RAET1G: variants seen among roughly 807,000 people sequenced by gnomAD.
The protein encoded by RAET1G is retinoic acid early transcript 1G.
In RAET1G, 25 loss-of-function variants were observed where a neutral mutation model predicts 29.5. The ratio of observed to expected loss-of-function variants is 0.85; its 90% confidence interval spans 0.62 to 1.18. The LOEUF is 1.18. RAET1G is among the 50% of genes most tolerant of loss of function. The probability of loss-of-function intolerance (pLI) is 0.00; values close to 1 mark genes in which losing one functional copy is unlikely to be tolerated. For synonymous variants in RAET1G, 167 were observed against 159.5 expected (o/e 1.05, Z -0.36); for missense variants, 434 against 423.6 (o/e 1.02, Z -0.22).
intron 1 of RAET1G, among the ~76,000 whole-genome samples, chr6:149,921,977 G>A (rs9371228): frequency 0.74 from 111,677 of 150,816 alleles, 41,414 homozygotes; most frequent in African/African-American, 0.78. Flanking sequence ...ACACTGAGAC[G>A]GAGAACCCAA....
chr6:149,918,861 G>T (rs1582798719), intron 3 of RAET1G, 182 bp downstream of exon 3: 7 of 884,366 alleles, frequency 7.9e-6, no homozygotes. Flanking sequence ...TCAGGAGGGA[G>T]AAGGAAGAGG....
At chr6:149,918,125 C>T (rs747061642) in intron 4 of RAET1G, 49 bp downstream of exon 4, 1 of 1,537,318 alleles carries the variant, frequency 6.5e-7, no homozygotes, top group South Asian at 1.1e-5. Flanking sequence ...CCCTGTCCTC[C>T]CTCCTCACCC....
chr6:149,918,951 C>A, intron 3 of RAET1G, 92 bp downstream of exon 3: 1 of 1,577,994 alleles, frequency 6.3e-7, no homozygotes, highest in South Asian at 1.2e-5. Flanking sequence ...AACGTGTACA[C>A]TGGGATGATT....
chr6:149,920,016 T>C, intron 1 of RAET1G, among the ~76,000 whole-genome samples, 200 bp from the exon 2 acceptor site: 1 of 152,186 alleles, frequency 6.6e-6, no homozygotes, highest in East Asian at 1.9e-4. Flanking sequence ...AGGAGGTCCC[T>C]GCCTGCTGAG....
At chr6:149,922,073 T>C (rs9397070) in intron 1 of RAET1G, among the ~76,000 whole-genome samples, 109,854 of 151,834 alleles carry the variant, frequency 0.72, 39,123 homozygotes, top group South Asian at 0.77. Context: ...TTCTCTATGA[T>C]GCTGGCGCCC....
intron 4 of RAET1G, among the ~76,000 whole-genome samples, chr6:149,917,640 A>G (rs1464950581): frequency 3.3e-5 from 5 of 152,200 alleles, no homozygotes; most frequent in Admixed American, 6.5e-5. Flanking sequence ...GTCTAATACA[A>G]CTATTCTTAT....
chr6:149,920,729 A>T (rs1366383160), intron 1 of RAET1G, among the ~76,000 whole-genome samples: 1 of 152,196 alleles, frequency 6.6e-6, no homozygotes, highest in Non-Finnish European at 1.5e-5. Flanking sequence ...GATGGAAATG[A>T]TTAGAGAAGT....
intron 1 of RAET1G, 111 bp from the exon 2 acceptor site, chr6:149,919,927 A>T (rs1778559378): frequency 6.2e-7 from 1 of 1,600,638 alleles, no homozygotes; most frequent in Admixed American, 1.7e-5. Context: ...CTGGCCCAGC[A>T]AGGAGTGCCT....
Position 149,919,131 on chromosome 6 carries a change from G to A in RAET1G, c.543C>T (p.Ser181=), listed in dbSNP as rs1463643212. 4 of 1,614,182 alleles carry A rather than the reference G, an allele frequency of 2.5e-6. No individual in the cohort carries two copies. In the Admixed American group the frequency reaches 5.0e-5, roughly 20 times the overall value. The stretch of plus-strand genomic sequence containing the variant: ...AGTCTCCCATTGAGATGTAATGGAA[G>A]GACATGGTCATATCCTTGTCATTCT... ...KWENDKDMTM[S]FHYISMGDCT... is the part of the protein sequence containing the mutation. Residue 181 remains serine (S), a synonymous_variant, in exon 3 of 5, where the codon TCC becomes TCT. Transcript: ENST00000367360.
At chr6:149,920,396 T>G (rs1398368084) in intron 1 of RAET1G, among the ~76,000 whole-genome samples, 1 of 152,036 alleles carries the variant, frequency 6.6e-6, no homozygotes, top group Non-Finnish European at 1.5e-5. Flanking sequence ...TCTGAAAATC[T>G]AAGGCAGGCA....
At chr6:149,921,043 G>A (rs1778589317) in intron 1 of RAET1G, among the ~76,000 whole-genome samples, 1 of 152,222 alleles carries the variant, frequency 6.6e-6, no homozygotes, top group Non-Finnish European at 1.5e-5. Context: ...CAAGTGCAAT[G>A]ATTCTTTGTG....
chr6:149,922,736 C>T (rs1347398041), intron 1 of RAET1G, among the ~76,000 whole-genome samples, 190 bp downstream of exon 1: 1 of 152,198 alleles, frequency 6.6e-6, no homozygotes, highest in East Asian at 1.9e-4. Context: ...TGACCAGCTC[C>T]TCCCCTCGGA....
At chr6:149,919,905 T>TGGA in intron 1 of RAET1G, 89 bp from the exon 2 acceptor site, 1 of 1,609,850 alleles carries the variant, frequency 6.2e-7, no homozygotes, top group Non-Finnish European at 8.5e-7. Flanking sequence ...AGGAAGCCTC[T>TGGA]GGAGGGCTGG....
At chr6:149,918,433 G>T (rs369848563) in intron 3 of RAET1G, 49 bp from the exon 4 acceptor site, 1 of 1,583,700 alleles carries the variant, frequency 6.3e-7, no homozygotes, top group East Asian at 2.2e-5. Context: ...CCCCAAATCT[G>T]AGGAGATGCC....
At chr6:149,919,937 T>A in intron 1 of RAET1G, 121 bp from the exon 2 acceptor site, 1 of 1,593,262 alleles carries the variant, frequency 6.3e-7, no homozygotes. Flanking sequence ...AAGGAGTGCC[T>A]CCTCCAGAAC....
chr6:149,917,179 C>A, intron 4 of RAET1G, 105 bp from the exon 5 acceptor site: 2 of 1,412,342 alleles, frequency 1.4e-6, no homozygotes, highest in South Asian at 1.6e-5. Flanking sequence ...GAAGGCGGAG[C>A]CAGGTGTACA....
chr6:149,921,516 AGGT>A (rs1262154485), intron 1 of RAET1G, among the ~76,000 whole-genome samples: 1 of 152,204 alleles, frequency 6.6e-6, no homozygotes, highest in Non-Finnish European at 1.5e-5. Context: ...GAGAAGACAC[AGGT>A]GGTTCTCCTG....
intron 3 of RAET1G, chr6:149,918,835 C>G (rs1318284784): frequency 1.4e-6 from 1 of 730,474 alleles, no homozygotes; most frequent in African/African-American, 1.8e-5. Flanking sequence ...GAAGCAAGTG[C>G]AGTGAGGAAG....
chr6:149,917,699 T>C (rs974007911), intron 4 of RAET1G, among the ~76,000 whole-genome samples: 1 of 152,238 alleles, frequency 6.6e-6, no homozygotes, highest in Non-Finnish European at 1.5e-5. Context: ...CTTCAGTCTC[T>C]TGCCTTGGCA....
Sources: gnomAD v4.1 joint callset for allele counts (sites outside exome capture counted in the v4.1 genomes callset) on GRCh38, gnomAD v4.1.1 for gene constraint, MANE v1.5 for transcripts, NCBI Gene and HGNC (gene_info 2026-07-23, HGNC 2026-07-21) for gene names.